Variants in UNC13C observed in about 807,000 individuals in gnomAD.
UNC13C encodes unc-13 homolog C, also known as protein unc-13 homolog C.
A neutral mutation model predicts 245.4 loss-of-function variants in UNC13C; 174 were observed. The ratio of observed to expected loss-of-function variants is 0.71; its 90% CI spans 0.63 to 0.80. The LOEUF (loss-of-function observed/expected upper bound fraction) is 0.80. Ranked by LOEUF, UNC13C falls within the 30% of genes least tolerant of loss-of-function variation. UNC13C has a pLI of 0.00. For synonymous variants in UNC13C, 992 were observed against 895.1 expected (o/e 1.11, Z -1.93); for missense variants, 2,829 against 2,602.9 (o/e 1.09, Z -1.89).
At chr15:54,453,611 C>T (rs1311325976) in intron 19 of UNC13C, among the ~76,000 whole-genome samples, 2 of 152,124 alleles carry the variant, frequency 1.3e-5, no homozygotes, top group African/African-American at 4.8e-5. Context: ...TTGTTTACAT[C>T]TTTGTGCAAA....
chr15:54,227,474 C>T (rs77969781), intron 4 of UNC13C, among the ~76,000 whole-genome samples: 8,940 of 152,294 alleles, frequency 0.059, 410 homozygotes, highest in South Asian at 0.13. Flanking sequence ...CCTGCCAGCC[C>T]ATGCTGAGCC....
the UNC13C span, among the ~76,000 whole-genome samples, chr15:53,933,446 T>C: frequency 6.6e-6 from 1 of 152,184 alleles, no homozygotes; most frequent in African/African-American, 2.4e-5. Flanking sequence ...ATTACTATAA[T>C]GTGGTTAGAC....
intron 2 of UNC13C, among the ~76,000 whole-genome samples, chr15:54,104,250 CG>C (rs1900320391): frequency 1.3e-5 from 2 of 152,176 alleles, no homozygotes; most frequent in African/African-American, 4.8e-5. Flanking sequence ...ATATCTTTTC[CG>C]GTTTATCTTT....
intron 4 of UNC13C, among the ~76,000 whole-genome samples, chr15:54,189,423 G>T (rs1215002899): frequency 2.0e-5 from 3 of 152,004 alleles, no homozygotes; most frequent in African/African-American, 7.3e-5. Context: ...ACAGCGTCAT[G>T]ACACCAGTTG....
intron 10 of UNC13C, among the ~76,000 whole-genome samples, chr15:54,268,733 G>A (rs895830123): frequency 6.6e-6 from 1 of 151,528 alleles, no homozygotes; most frequent in Non-Finnish European, 1.5e-5. Context: ...TCATGAATTA[G>A]GAGGTTTTGT....
chr15:54,358,245 G>C (rs1251123889), intron 17 of UNC13C, among the ~76,000 whole-genome samples: 2 of 151,998 alleles, frequency 1.3e-5, no homozygotes, highest in African/African-American at 4.8e-5. Flanking sequence ...TTTGGGGTCA[G>C]GTAGTATGAT....
chr15:54,106,274 C>A (rs755178215), intron 2 of UNC13C, among the ~76,000 whole-genome samples: 2 of 152,182 alleles, frequency 1.3e-5, no homozygotes, highest in African/African-American at 4.8e-5. Flanking sequence ...CTGAAGCCTA[C>A]AGTTTGGGAT....
chr15:54,140,817 G>T (rs976680366), intron 2 of UNC13C, among the ~76,000 whole-genome samples: 1 of 132,082 alleles, frequency 7.6e-6, no homozygotes, highest in Non-Finnish European at 1.7e-5. Context: ...GTGTGTCATT[G>T]GTGGGTTTTA....
chr15:54,610,387 A>C (rs956928093), intron 30 of UNC13C, among the ~76,000 whole-genome samples: 1 of 152,038 alleles, frequency 6.6e-6, no homozygotes, highest in African/African-American at 2.4e-5. Flanking sequence ...GGCACACACC[A>C]ACATGCCTAG....
intron 2 of UNC13C, among the ~76,000 whole-genome samples, chr15:54,080,263 A>G (rs905540966): frequency 6.6e-6 from 1 of 151,940 alleles, no homozygotes; most frequent in Admixed American, 6.6e-5. Context: ...TTCATCAAGG[A>G]TACTGACCTA....
the UNC13C span, among the ~76,000 whole-genome samples, chr15:53,847,133 C>G: frequency 6.6e-6 from 1 of 152,254 alleles, no homozygotes; most frequent in African/African-American, 2.4e-5. Context: ...TACATAAAAA[C>G]AAACAGTTAT....
intron 7 of UNC13C, among the ~76,000 whole-genome samples, chr15:54,240,418 A>G (rs922793309): frequency 1.3e-5 from 2 of 152,246 alleles, no homozygotes; most frequent in East Asian, 1.9e-4. Context: ...ATACAAAAGC[A>G]TAAAATATTT....
chr15:53,854,129 T>TGTTTTTTTTG, the UNC13C span, among the ~76,000 whole-genome samples: 1 of 145,572 alleles, frequency 6.9e-6, no homozygotes, highest in Non-Finnish European at 1.5e-5. Context: ...TAGGTTTTTT[T>TGTTTTTTTTG]TTTTTTTTTG....
In UNC13C at chr15:54,478,066, G is replaced by A. The variant is rs576643818; in HGVS notation, c.4934-16542G>A. Among the ~76,000 whole-genome samples the A allele has an allele frequency of 2.4e-4, 37 of 151,666 alleles. 1 individual carries two copies. The highest frequency in any genetic ancestry group is 7.9e-4 in the Admixed American group (12 of 15,220). On this transcript the variant is annotated intron_variant, in intron 19 of 32. Coordinates refer to ENST00000260323, the MANE Select transcript of UNC13C (RefSeq NM_001080534.3). ...AGTGTATGTGTCGAGGAATTTATCC[G>A]TGTCTTCTAGATTTTCTAGTTTATT... is the stretch of plus-strand genomic sequence containing the variant.
the UNC13C span, among the ~76,000 whole-genome samples, chr15:53,933,407 A>G: frequency 1.3e-5 from 2 of 152,318 alleles, no homozygotes; most frequent in Middle Eastern, 6.8e-3. Context: ...CCACACAAAT[A>G]TAAGATGCAC....
chr15:54,511,673 C>A (rs370100042), intron 23 of UNC13C, 80 bp from the exon 24 acceptor site: 1 of 956,828 alleles, frequency 1.0e-6, no homozygotes, highest in Non-Finnish European at 1.6e-6. Flanking sequence ...TAGCTATTTT[C>A]CACCACTTAT....
intron 1 of UNC13C, among the ~76,000 whole-genome samples, chr15:54,007,000 G>C (rs1417634814): frequency 6.6e-6 from 1 of 152,068 alleles, no homozygotes; most frequent in Admixed American, 6.6e-5. Flanking sequence ...CTACCTGATG[G>C]GAAGCTTCTT....
intron 2 of UNC13C, among the ~76,000 whole-genome samples, chr15:54,089,503 A>G (rs28682564): frequency 0.013 from 1,975 of 152,056 alleles, 54 homozygotes; most frequent in African/African-American, 0.044. Context: ...AGAGGAGAAA[A>G]CCTGTGAGTA....
intron 2 of UNC13C, among the ~76,000 whole-genome samples, chr15:54,038,122 A>AAAAATTTTTTTTT (rs1896658005): frequency 2.0e-5 from 1 of 50,256 alleles, no homozygotes; most frequent in Non-Finnish European, 3.2e-5. Flanking sequence ...ATATATATAT[A>AAAAATTTTTTTTT]TATTTTTTTT....
Sources: allele counts gnomAD v4.1 joint callset (sites outside exome capture counted in the v4.1 genomes callset), GRCh38; gene constraint gnomAD v4.1.1; transcripts MANE v1.5; gene names NCBI Gene and HGNC (gene_info 2026-07-23, HGNC 2026-07-21).